The following ITGA9 variants were observed in gnomAD, a reference collection of about 807,000 sequenced individuals.
ITGA9 encodes the protein integrin subunit alpha 9.
In ITGA9, 56 loss-of-function variants were observed where a neutral mutation model predicts 127.8. The ratio of observed to expected loss-of-function variants is 0.44; its 90% confidence interval spans 0.35 to 0.55. The LOEUF is 0.55. Ranked by LOEUF, ITGA9 falls within the 20% of genes least tolerant of loss-of-function variation. The pLI, the probability that ITGA9 is intolerant of heterozygous loss-of-function variation, is 0.00. For missense variants in ITGA9, 1,196 were observed against 1,347.1 expected (o/e 0.89, Z 1.76); for synonymous variants, 508 against 514.5 (o/e 0.99, Z 0.17).
Position 37,629,136 on chromosome 3 carries a change from G to C in ITGA9, c.1690-51G>C. The C allele has an allele frequency of 6.2e-7, 1 of 1,606,390 alleles. No individual in the cohort carries two copies. Among genetic ancestry groups the C allele is most frequent in the Non-Finnish European group, 8.5e-7 (1 of 1,174,878 alleles). On this transcript the variant is annotated intron_variant, in intron 15 of 27. Transcript: ENST00000264741. The surrounding 1 kb of genome is among the most constrained non-coding windows in gnomAD (Gnocchi z 4.5). ...CTTTGTAAACTGTGAAATGCTCTACGACTGTCAGCCAGGATTAGTAGTTAA... is the reference window on the plus strand; with the variant it reads ...CTTTGTAAACTGTGAAATGCTCTACCACTGTCAGCCAGGATTAGTAGTTAA...
chr3:37,626,691 G>A (rs1700179019), intron 15 of ITGA9, among the ~76,000 whole-genome samples: 1 of 152,106 alleles, frequency 6.6e-6, no homozygotes, highest in Non-Finnish European at 1.5e-5. Context: ...AAAGTGGAAG[G>A]TGGGGGTCAA....
intron 17 of ITGA9, among the ~76,000 whole-genome samples, chr3:37,675,781 T>G (rs1700675726): frequency 2.7e-5 from 4 of 150,146 alleles, no homozygotes; most frequent in African/African-American, 9.9e-5. Context: ...ATCTTGCTCT[T>G]TTGCCAGACT....
chr3:37,466,482 T>TAAAAAA, intron 1 of ITGA9, among the ~76,000 whole-genome samples: 1 of 1,938 alleles, frequency 5.2e-4, no homozygotes, highest in African/African-American at 2.4e-3. Context: ...AGACACCATC[T>TAAAAAA]CAAAAAAAAA....
intron 15 of ITGA9, among the ~76,000 whole-genome samples, chr3:37,625,097 G>A (rs1272375299): frequency 6.6e-6 from 1 of 152,138 alleles, no homozygotes. Flanking sequence ...GACAGCCCAT[G>A]CCCTCTCCAT....
intron 16 of ITGA9, among the ~76,000 whole-genome samples, chr3:37,650,954 T>C (rs1433540860): frequency 6.6e-6 from 1 of 152,218 alleles, no homozygotes; most frequent in Non-Finnish European, 1.5e-5. Context: ...AACTGAGTCC[T>C]GGAGGGAAGA....
chr3:37,579,915 A>G (rs1480253915), intron 15 of ITGA9, among the ~76,000 whole-genome samples: 1 of 152,220 alleles, frequency 6.6e-6, no homozygotes, highest in Non-Finnish European at 1.5e-5. Context: ...TTTCTTGTTA[A>G]GCATTTTTAA....
intron 27 of ITGA9, among the ~76,000 whole-genome samples, chr3:37,804,656 A>C (rs1428957955): frequency 6.6e-6 from 1 of 152,356 alleles, no homozygotes; most frequent in East Asian, 1.9e-4. Context: ...CCCCAGCTCC[A>C]AAACAGCACC....
At chr3:37,497,402 G>A (rs1010025604) in intron 5 of ITGA9, among the ~76,000 whole-genome samples, 17 of 151,810 alleles carry the variant, frequency 1.1e-4, no homozygotes, top group African/African-American at 4.1e-4. Flanking sequence ...CTGCAAGTTG[G>A]CATGAACAGC....
chr3:37,660,173 C>T (rs773458098), intron 17 of ITGA9, among the ~76,000 whole-genome samples: 1 of 152,112 alleles, frequency 6.6e-6, no homozygotes, highest in Non-Finnish European at 1.5e-5. Flanking sequence ...GTACGAAGGA[C>T]CTCCTGGGAT....
At chr3:37,744,333 G>C (rs1446410493) in intron 22 of ITGA9, among the ~76,000 whole-genome samples, 2 of 152,170 alleles carry the variant, frequency 1.3e-5, no homozygotes, top group Non-Finnish European at 2.9e-5. Context: ...CAGCCCAGAT[G>C]ACCCCATGAG....
intron 1 of ITGA9, among the ~76,000 whole-genome samples, chr3:37,463,367 G>C (rs987918116): frequency 9.9e-5 from 15 of 152,186 alleles, no homozygotes; most frequent in Admixed American, 9.2e-4. Context: ...TGGTTCTTCT[G>C]TTCTCTCCAG....
chr3:37,743,940 C>T lies in ITGA9; in HGVS notation c.2339C>T (p.Thr780Ile), dbSNP rs1559585309. Reference sequence around the variant, plus strand: ...TCCTCTTTCAGAATCATGTCTCCAACCTCCTTTGTATATGGCGAGTCCGTG... The same window carrying T: ...TCCTCTTTCAGAATCATGTCTCCAATCTCCTTTGTATATGGCGAGTCCGTG... ...DTSITGIMSP[T>I]SFVYGESVDA... The change falls in exon 22 of 28, where the codon ACC becomes ATC. Residue 780 changes from threonine to isoleucine, a missense_variant. By Grantham distance (89) the Thr-to-Ile change is moderately conservative. Transcript: ENST00000264741. The T allele has an allele frequency of 6.2e-7, 1 of 1,613,164 alleles. No homozygotes were observed. The highest frequency in any genetic ancestry group is 8.5e-7 in the Non-Finnish European group (1 of 1,179,078).
At chr3:37,637,873 A>G (rs558237241) in intron 16 of ITGA9, among the ~76,000 whole-genome samples, 79 of 152,182 alleles carry the variant, frequency 5.2e-4, no homozygotes, top group African/African-American at 1.8e-3. Context: ...AGTTTTCACT[A>G]TGTTGGCCAG....
At chr3:37,464,114 TGA>T (rs1289375932) in intron 1 of ITGA9, among the ~76,000 whole-genome samples, 22 of 111,686 alleles carry the variant, frequency 2.0e-4, no homozygotes, top group African/African-American at 8.6e-4. Context: ...ACAGAAGGTG[TGA>T]GTGTGTGTGT....
At chr3:37,645,385 C>T (rs9816484) in intron 16 of ITGA9, among the ~76,000 whole-genome samples, 88,494 of 152,018 alleles carry the variant, frequency 0.58, 26,474 homozygotes, top group African/African-American at 0.72. Context: ...CCTGGCAACA[C>T]GGGGAAACCC....
chr3:37,480,745 G>A (rs1698544125), intron 3 of ITGA9, among the ~76,000 whole-genome samples: 2 of 152,202 alleles, frequency 1.3e-5, no homozygotes, highest in Non-Finnish European at 2.9e-5. Context: ...CTCCACATCG[G>A]TTCAGTCCCT....
intron 17 of ITGA9, among the ~76,000 whole-genome samples, chr3:37,668,557 T>G (rs1410644361): frequency 1.3e-5 from 2 of 152,158 alleles, no homozygotes; most frequent in African/African-American, 4.8e-5. Context: ...ATTTTTGCAG[T>G]TTATTCTGTG....
intron 17 of ITGA9, among the ~76,000 whole-genome samples, chr3:37,664,622 G>A (rs923785806): frequency 3.3e-5 from 5 of 151,574 alleles, no homozygotes; most frequent in African/African-American, 9.7e-5. Context: ...GTTTCTCCAT[G>A]TTGGTCAGGC....
chr3:37,751,394 T>G (rs1696584511), intron 23 of ITGA9, among the ~76,000 whole-genome samples: 1 of 152,178 alleles, frequency 6.6e-6, no homozygotes, highest in Admixed American at 6.5e-5. Flanking sequence ...CTCTTAAATA[T>G]TATTAACCAT....
Sources: allele counts gnomAD v4.1 joint callset (sites outside exome capture counted in the v4.1 genomes callset), GRCh38; gene constraint gnomAD v4.1.1; non-coding constraint Gnocchi (gnomAD v3.1); transcripts MANE v1.5; gene names NCBI Gene and HGNC (gene_info 2026-07-23, HGNC 2026-07-21).